ADAM19: variants seen among roughly 807,000 people sequenced by gnomAD.
The protein encoded by ADAM19 is disintegrin and metalloproteinase domain-containing protein 19.
Under a neutral mutation model 114.7 loss-of-function variants are expected in ADAM19, and 65 were observed. That is an observed-to-expected ratio of 0.57 (90% confidence interval 0.46 to 0.70). The LOEUF (loss-of-function observed/expected upper bound fraction) is 0.70. Ranked by LOEUF, ADAM19 falls within the 30% of genes least tolerant of loss-of-function variation. The pLI, the probability that ADAM19 is intolerant of heterozygous loss-of-function variation, is 0.00. For missense variants in ADAM19, 1,063 were observed against 1,204.7 expected (o/e 0.88, Z 1.74); for synonymous variants, 466 against 460.5 (o/e 1.01, Z -0.15).
intron 13 of ADAM19, among the ~76,000 whole-genome samples, chr5:157,498,485 C>T (rs542044062): frequency 2.6e-5 from 4 of 152,268 alleles, no homozygotes; most frequent in East Asian, 1.9e-4. Flanking sequence ...GGTGATTAAA[C>T]GTGAGTTAGA....
chr5:157,527,274 G>A (rs935426820), intron 5 of ADAM19, among the ~76,000 whole-genome samples: 6 of 152,104 alleles, frequency 3.9e-5, no homozygotes, highest in East Asian at 3.9e-4. Flanking sequence ...GCAGTGATGC[G>A]ATTTCAGCTC....
chr5:157,549,741 T>G (rs1325739809), intron 3 of ADAM19, among the ~76,000 whole-genome samples: 1 of 152,228 alleles, frequency 6.6e-6, no homozygotes. Context: ...TATCCTGTTT[T>G]CATGCCTAGT....
At chr5:157,526,622 TC>T in intron 5 of ADAM19, among the ~76,000 whole-genome samples, 1 of 132,128 alleles carries the variant, frequency 7.6e-6, no homozygotes, top group East Asian at 2.0e-4. Flanking sequence ...TTTATTGGTG[TC>T]ATTTTTTTTT....
intron 18 of ADAM19, among the ~76,000 whole-genome samples, chr5:157,490,674 A>C (rs947357002): frequency 1.3e-5 from 2 of 152,162 alleles, no homozygotes; most frequent in Non-Finnish European, 2.9e-5. Context: ...TCAGCAGATC[A>C]CAAGGTAAAG....
At chr5:157,511,319 G>A (rs6860540) in intron 8 of ADAM19, among the ~76,000 whole-genome samples, 52,018 of 151,998 alleles carry the variant, frequency 0.34, 9,646 homozygotes, top group East Asian at 0.79. Flanking sequence ...CACTTTTTAC[G>A]TACTAGGCAC....
At chr5:157,555,910 C>T (rs1757353746) in intron 3 of ADAM19, among the ~76,000 whole-genome samples, 1 of 152,220 alleles carries the variant, frequency 6.6e-6, no homozygotes, top group African/African-American at 2.4e-5. Flanking sequence ...GATCACATCA[C>T]TGTCTCCTGT....
At chr5:157,575,265 G>T (rs576111805) in intron 1 of ADAM19, among the ~76,000 whole-genome samples, 13 of 152,342 alleles carry the variant, frequency 8.5e-5, no homozygotes, top group Non-Finnish European at 1.5e-4. Flanking sequence ...GAGCGGACAC[G>T]AGGGACCGTG....
chr5:157,509,308 A>C lies in ADAM19; in HGVS notation c.898T>G (p.Leu300Val). Reference sequence around the variant, plus strand: ...TGGAAAAAGGCTATTTACGTGATTAATTGGGCGTTGTCATGGTACTTCTGG... The same window carrying C: ...TGGAAAAAGGCTATTTACGTGATTACTTGGGCGTTGTCATGGTACTTCTGG... ...LAQKYHDNAQ[L>V]ITGMSFHGTT... is the part of the protein sequence containing the mutation. Residue 300 changes from leucine to valine, a missense_variant, in exon 9 of 23, where the codon TTA becomes GTA. This residue lies in a region of ADAM19 where 615 missense variants were observed against 706.3 expected (regional missense o/e 0.87). Coordinates refer to ENST00000257527, the MANE Select transcript of ADAM19 (RefSeq NM_033274.5). The C allele has an allele frequency of 6.2e-7, 1 of 1,607,978 alleles. No individual in the cohort carries two copies. The highest frequency in any genetic ancestry group is 8.5e-7 in the Non-Finnish European group (1 of 1,176,264).
intron 4 of ADAM19, among the ~76,000 whole-genome samples, chr5:157,532,864 C>T (rs1379752627): frequency 2.0e-5 from 3 of 152,236 alleles, no homozygotes; most frequent in South Asian, 2.1e-4. Context: ...TCCAAGCATA[C>T]GCAGTTCCAC....
chr5:157,495,933 CTTTTTTTTTT>C (rs57078206), intron 14 of ADAM19, among the ~76,000 whole-genome samples: 32 of 75,920 alleles, frequency 4.2e-4, no homozygotes, highest in African/African-American at 1.5e-3. Flanking sequence ...TGTGCCCAGT[CTTTTTTTTTT>C]TTTTTTTTTT....
At chr5:157,544,646 C>T (rs181455627) in intron 3 of ADAM19, among the ~76,000 whole-genome samples, 288 of 152,290 alleles carry the variant, frequency 1.9e-3, no homozygotes, top group Middle Eastern at 6.8e-3. Flanking sequence ...AATGGCTCAC[C>T]CAAGAAGAGT....
chr5:157,504,460 A>T (rs1391645297), intron 11 of ADAM19, among the ~76,000 whole-genome samples: 2 of 152,176 alleles, frequency 1.3e-5, no homozygotes, highest in Non-Finnish European at 2.9e-5. Context: ...CATGTTGGCC[A>T]GGCTGGTCTC....
chr5:157,513,672 A>G (rs1022603355), intron 7 of ADAM19, among the ~76,000 whole-genome samples, 167 bp from the exon 8 acceptor site: 4 of 152,172 alleles, frequency 2.6e-5, no homozygotes, highest in African/African-American at 9.7e-5. Flanking sequence ...GGAGGGTAGG[A>G]CCTGTCAACA....
At position 157,542,720 on chromosome 5, in the gene ADAM19, G is replaced by A. The variant is rs552415253; in HGVS notation, c.252-4729C>T. On this transcript the variant is annotated intron_variant, in intron 3 of 22. Transcript: ENST00000257527. ...CTCAGGAGGCTGAGGCAGGAGAATC[G>A]CTTGAACTCGGGAGGCGGAAGCTGC... Among the ~76,000 whole-genome samples the A allele has an allele frequency of 7.9e-5, 12 of 152,332 alleles. No homozygotes were observed. The South Asian group carries it at 1.7e-3, about 21-fold the overall frequency.
chr5:157,515,941 C>T (rs1345636848), intron 7 of ADAM19, among the ~76,000 whole-genome samples: 2 of 152,186 alleles, frequency 1.3e-5, no homozygotes, highest in Non-Finnish European at 2.9e-5. Context: ...ATTTTTACTG[C>T]TGACAACTCT....
At chr5:157,519,070 T>G (rs7702683) in intron 6 of ADAM19, among the ~76,000 whole-genome samples, 182 bp from the exon 7 acceptor site, 3,187 of 152,248 alleles carry the variant, frequency 0.021, 128 homozygotes, top group African/African-American at 0.073. Context: ...CCACTGCCAT[T>G]TGGTTATTGC....
At chr5:157,508,782 C>T (rs962133829) in intron 9 of ADAM19, among the ~76,000 whole-genome samples, 1 of 152,138 alleles carries the variant, frequency 6.6e-6, no homozygotes, top group Non-Finnish European at 1.5e-5. Flanking sequence ...AGCACAATCC[C>T]TCCTCAATGT....
At chr5:157,530,382 C>T (rs1756590910) in intron 5 of ADAM19, among the ~76,000 whole-genome samples, 1 of 152,200 alleles carries the variant, frequency 6.6e-6, no homozygotes, top group African/African-American at 2.4e-5. Flanking sequence ...TCGCCCATTC[C>T]TTCCCGCAGA....
chr5:157,560,259 C>T (rs1757476054), intron 3 of ADAM19, among the ~76,000 whole-genome samples: 3 of 104,430 alleles, frequency 2.9e-5, no homozygotes, highest in African/African-American at 4.3e-5. Flanking sequence ...AGCGAGACTC[C>T]GTCTCAAAAA....
Sources: allele counts gnomAD v4.1 joint callset (sites outside exome capture counted in the v4.1 genomes callset), GRCh38; gene constraint gnomAD v4.1.1; regional missense constraint gnomAD v4.1.1; transcripts MANE v1.5; gene names NCBI Gene and HGNC (gene_info 2026-07-23, HGNC 2026-07-21).